SAMD12: variants seen among roughly 807,000 people sequenced by gnomAD.
The protein encoded by SAMD12 is sterile alpha motif domain containing 12.
A neutral mutation model predicts 15.0 loss-of-function variants in SAMD12; 9 were observed. The observed-to-expected ratio is 0.60, with a 90% CI of 0.36 to 1.05. The LOEUF (loss-of-function observed/expected upper bound fraction) is 1.05. SAMD12 is among the 50% of genes least tolerant of loss of function. The pLI, the probability that SAMD12 is intolerant of heterozygous loss-of-function variation, is 0.01. For missense variants in SAMD12, 230 were observed against 234.2 expected (o/e 0.98, Z 0.12); for synonymous variants, 86 against 90.1 (o/e 0.96, Z 0.25).
At chr8:118,335,133 C>T (rs984492521) in intron 4 of SAMD12, among the ~76,000 whole-genome samples, 5 of 152,106 alleles carry the variant, frequency 3.3e-5, no homozygotes, top group Non-Finnish European at 5.9e-5. Flanking sequence ...ACGTCCTAGC[C>T]CCAGTGAAGG....
chr8:118,460,858 A>C (rs73313478), intron 2 of SAMD12, among the ~76,000 whole-genome samples: 8,979 of 152,232 alleles, frequency 0.059, 653 homozygotes, highest in African/African-American at 0.17. Context: ...AAACGGACCC[A>C]TTTCTATGGT....
At chr8:118,279,456 A>C (rs1244728228) in intron 4 of SAMD12, among the ~76,000 whole-genome samples, 2 of 152,236 alleles carry the variant, frequency 1.3e-5, no homozygotes, top group African/African-American at 4.8e-5. Context: ...TAATGATCAG[A>C]TATCACCATC....
At chr8:118,432,902 C>T (rs9643129) in intron 3 of SAMD12, among the ~76,000 whole-genome samples, 81,613 of 152,002 alleles carry the variant, frequency 0.54, 24,312 homozygotes, top group Non-Finnish European at 0.65. Context: ...CTGCCACTGC[C>T]GCCATCACCA....
intron 1 of SAMD12, among the ~76,000 whole-genome samples, chr8:118,614,700 A>T (rs1828197688): frequency 6.6e-6 from 1 of 152,222 alleles, no homozygotes; most frequent in Non-Finnish European, 1.5e-5. Flanking sequence ...ACTTGCCAAT[A>T]GCCCCAGCAC....
At chr8:118,462,512 G>C (rs1394648818) in intron 2 of SAMD12, among the ~76,000 whole-genome samples, 1 of 152,130 alleles carries the variant, frequency 6.6e-6, no homozygotes, top group Non-Finnish European at 1.5e-5. Flanking sequence ...CATTAAAAAG[G>C]AAATAAGCAG....
chr8:118,295,092 T>C (rs1425943898), intron 4 of SAMD12, among the ~76,000 whole-genome samples: 1 of 152,092 alleles, frequency 6.6e-6, no homozygotes, highest in Non-Finnish European at 1.5e-5. Flanking sequence ...GTCATCTAGA[T>C]ACAAAGGGAA....
intron 3 of SAMD12, among the ~76,000 whole-genome samples, chr8:118,388,993 T>C (rs1820120239): frequency 6.6e-6 from 1 of 152,206 alleles, no homozygotes; most frequent in Non-Finnish European, 1.5e-5. Flanking sequence ...TGAGTCAATA[T>C]GTGGCAGTGG....
intron 2 of SAMD12, among the ~76,000 whole-genome samples, chr8:118,557,471 A>T (rs1413566715): frequency 1.3e-5 from 2 of 152,208 alleles, no homozygotes; most frequent in African/African-American, 4.8e-5. Context: ...GGGTTGGAGT[A>T]GATCTGAGAA....
chr8:118,390,676 C>T (rs1240653405), intron 3 of SAMD12, among the ~76,000 whole-genome samples: 1 of 152,174 alleles, frequency 6.6e-6, no homozygotes, highest in Non-Finnish European at 1.5e-5. Flanking sequence ...ACCAATAAGT[C>T]TCCTCTCACT....
At chr8:118,351,515 C>T (rs1817964544) in intron 4 of SAMD12, among the ~76,000 whole-genome samples, 1 of 152,134 alleles carries the variant, frequency 6.6e-6, no homozygotes. Context: ...GCATTTACCT[C>T]ATTGTGCTGT....
chr8:118,309,037 G>C (rs1033902648), intron 4 of SAMD12, among the ~76,000 whole-genome samples: 4 of 152,072 alleles, frequency 2.6e-5, no homozygotes, highest in Non-Finnish European at 5.9e-5. Context: ...GGTGGTGTTT[G>C]TTTACATGAA....
At chr8:118,493,184 C>G (rs1387672270) in intron 2 of SAMD12, among the ~76,000 whole-genome samples, 2 of 152,100 alleles carry the variant, frequency 1.3e-5, no homozygotes, top group East Asian at 3.8e-4. Flanking sequence ...CATTTTCTTC[C>G]CAGCTGACCA....
chr8:118,583,200 A>G lies in SAMD12; in HGVS notation c.14-2307T>C, dbSNP rs544791880. ...CCAAACCACACTGCTGCTACTCAAC[A>G]GGGCTGTAGCAGAATGGATGCTGGG... On this transcript the variant is annotated intron_variant, in intron 1 of 3. Transcript: ENST00000314727. Among the ~76,000 whole-genome samples the G allele has an allele frequency of 3.3e-5, 5 of 152,254 alleles. No individual in the cohort carries two copies. In the South Asian group the frequency reaches 1.0e-3, roughly 32 times the overall value.
intron 1 of SAMD12, among the ~76,000 whole-genome samples, chr8:118,611,748 T>G (rs1375963899): frequency 1.3e-5 from 2 of 152,242 alleles, no homozygotes; most frequent in African/African-American, 2.4e-5. Context: ...GTCTAGGAGT[T>G]CTGTAGTATT....
At chr8:118,537,864 AGT>A (rs1270772344) in intron 2 of SAMD12, among the ~76,000 whole-genome samples, 1 of 152,146 alleles carries the variant, frequency 6.6e-6, no homozygotes, top group Non-Finnish European at 1.5e-5. Context: ...GATGCTTGTC[AGT>A]GTCTGGGCAT....
intron 3 of SAMD12, among the ~76,000 whole-genome samples, chr8:118,401,635 A>C (rs76555468): frequency 0.01 from 1,550 of 151,078 alleles, 26 homozygotes; most frequent in African/African-American, 0.037. Flanking sequence ...TCTGCCTCCC[A>C]AAATGCTGGG....
chr8:118,388,453 GT>G (rs1394995928), intron 3 of SAMD12, among the ~76,000 whole-genome samples: 1 of 152,092 alleles, frequency 6.6e-6, no homozygotes, highest in East Asian at 1.9e-4. Context: ...ACCTGGTGGG[GT>G]TTTTAACAGT....
intron 2 of SAMD12, among the ~76,000 whole-genome samples, chr8:118,442,295 G>C (rs759604868): frequency 2.0e-5 from 3 of 152,198 alleles, no homozygotes; most frequent in African/African-American, 2.4e-5. Flanking sequence ...TTAATGAAAT[G>C]AAACAGCATT....
At chr8:118,225,402 C>T (rs560822071) in intron 4 of SAMD12, among the ~76,000 whole-genome samples, 30 of 152,256 alleles carry the variant, frequency 2.0e-4, no homozygotes, top group African/African-American at 5.3e-4. Flanking sequence ...TTGCAGAGGA[C>T]GTGGCCTCAC....
Sources: allele counts gnomAD v4.1 joint callset (sites outside exome capture counted in the v4.1 genomes callset), GRCh38; gene constraint gnomAD v4.1.1; transcripts MANE v1.5; gene names NCBI Gene and HGNC (gene_info 2026-07-23, HGNC 2026-07-21).